RNF185: variants seen among roughly 807,000 people sequenced by gnomAD.
RNF185 encodes E3 ubiquitin-protein ligase RNF185.
In RNF185, 13 loss-of-function variants were observed where a neutral mutation model predicts 24.9. The observed-to-expected ratio is 0.52, with a 90% CI of 0.34 to 0.83. The LOEUF (loss-of-function observed/expected upper bound fraction) is 0.83, where lower values mean the gene tolerates loss of function less well. Ranked by LOEUF, RNF185 falls within the 40% of genes least tolerant of loss-of-function variation. The probability of loss-of-function intolerance (pLI) is 0.01; values close to 1 mark genes in which losing one functional copy is unlikely to be tolerated. For missense variants in RNF185, 184 were observed against 244.7 expected, an observed-to-expected ratio of 0.75 and a Z score of 1.65; for synonymous variants, 79 against 90.3, an observed-to-expected ratio of 0.88 and a Z score of 0.71.
intron 1 of RNF185, among the ~76,000 whole-genome samples, chr22:31,173,417 A>ACACACACACG (rs2047950116): frequency 2.6e-3 from 2 of 778 alleles, no homozygotes; most frequent in East Asian, 0.14. Flanking sequence ...ACACACACAG[A>ACACACACACG]CACACACACA....
chr22:31,187,280 C>T lies in RNF185; in HGVS notation c.176+10C>T. The T allele has an allele frequency of 6.2e-7, 1 of 1,613,334 alleles. No homozygotes were observed. The highest frequency in any genetic ancestry group is 1.1e-5 in the South Asian group (1 of 91,000). On this transcript the variant is annotated intron_variant, in intron 2 of 6. Coordinates refer to ENST00000326132, the MANE Select transcript of RNF185 (RefSeq NM_152267.4). ...GTGGCCACCTCTTCTGGTCAGTACC[C>T]CTACTTCCACCCCAGAGAGCACATT... is the stretch of plus-strand genomic sequence containing the variant.
intron 1 of RNF185, among the ~76,000 whole-genome samples, chr22:31,181,197 T>C (rs888150511): frequency 6.6e-6 from 1 of 151,946 alleles, no homozygotes; most frequent in Non-Finnish European, 1.5e-5. Context: ...ATTTAAAAAT[T>C]AGCTGAGCAT....
At chr22:31,177,101 A>G (rs2047990338) in intron 1 of RNF185, among the ~76,000 whole-genome samples, 1 of 151,988 alleles carries the variant, frequency 6.6e-6, no homozygotes, top group African/African-American at 2.4e-5. Context: ...ACCATGAATT[A>G]TGCACTTGTT....
chr22:31,190,296 T>C (rs1163267710), intron 2 of RNF185, among the ~76,000 whole-genome samples: 2 of 152,120 alleles, frequency 1.3e-5, no homozygotes, highest in Non-Finnish European at 2.9e-5. Flanking sequence ...TTTGTTTGTT[T>C]GTTGTTTTTT....
chr22:31,180,915 CTGTGTGTG>C (rs567264606), intron 1 of RNF185, among the ~76,000 whole-genome samples: 25 of 96,882 alleles, frequency 2.6e-4, no homozygotes, highest in Non-Finnish European at 4.1e-4. Context: ...CTCTCTCTCT[CTGTGTGTG>C]TGTGTGTGTG....
At position 31,195,490 on chromosome 22, in the gene RNF185, A is replaced by C. The variant is rs2147957733; in HGVS notation, c.217A>C (p.Arg73=). 6.2e-7 allele frequency: 1 copy of C among 1,608,642 alleles called. No individual in the cohort carries two copies. Among genetic ancestry groups the C allele is most frequent in the Non-Finnish European group, 8.5e-7 (1 of 1,177,644 alleles). The change falls in exon 4 of 7, where the codon AGA becomes CGA. Residue 73 remains arginine, a synonymous_variant. Transcript: ENST00000326132. The stretch of plus-strand genomic sequence containing the variant: ...GCAGTGGTTGGAGACCAGACCTAAC[A>C]GACAGGTGTGTCCTGTTTGCAAAGC... The part of the protein sequence containing the change: ...LHQWLETRPN[R]QVCPVCKAGI...
chr22:31,204,449 A>G (rs755677598), intron 6 of RNF185, 40 bp from the exon 7 acceptor site: 1 of 1,299,846 alleles, frequency 7.7e-7, no homozygotes, highest in Non-Finnish European at 1.1e-6. Flanking sequence ...GCATAGCTGC[A>G]GTGTTCTAAT....
chr22:31,201,529 G>A lies in RNF185; in HGVS notation c.395G>A (p.Gly132Asp), dbSNP rs2048263112. 6.2e-7 allele frequency: 1 copy of A among 1,611,806 alleles called. No individual in the cohort carries two copies. Among genetic ancestry groups the A allele is most frequent in the Non-Finnish European group, 8.5e-7 (1 of 1,179,680 alleles). Residue 132 changes from glycine to aspartate, a missense_variant, in exon 6 of 7, where the codon GGC (glycine) becomes GAC (aspartate). Physicochemically the swap from Gly to Asp is moderately conservative, Grantham distance 94 (BLOSUM62 -1). Coordinates refer to ENST00000326132, the MANE Select transcript of RNF185 (RefSeq NM_152267.4). ...GFQGFGFGDG[G>D]FQMSFGIGAF... ...CAAGGATTTGGATTTGGAGATGGTG[G>A]CTTCCAGATGTCTTTTGGAATTGGG...
intron 3 of RNF185, 38 bp downstream of exon 3, chr22:31,192,740 T>G: frequency 6.2e-7 from 1 of 1,606,090 alleles, no homozygotes; most frequent in Non-Finnish European, 8.5e-7. Context: ...TTTCATCAGC[T>G]CTGGTTGCAC....
At chr22:31,177,378 AAAG>A (rs2047993401) in intron 1 of RNF185, among the ~76,000 whole-genome samples, 1 of 152,064 alleles carries the variant, frequency 6.6e-6, no homozygotes, top group Non-Finnish European at 1.5e-5. Flanking sequence ...GCCCCAATGA[AAAG>A]AAGCCAGTCC....
chr22:31,199,314 C>T (rs1270498480), intron 5 of RNF185, among the ~76,000 whole-genome samples: 1 of 152,090 alleles, frequency 6.6e-6, no homozygotes, highest in Non-Finnish European at 1.5e-5. Flanking sequence ...TGTCCAGGGC[C>T]ACACGTACAG....
rs567052460 is a variant in RNF185 at position 31,174,844 on chromosome 22, C to T, written c.-48-12203C>T. The stretch of plus-strand genomic sequence containing the variant: ...CAGCACTTTGGGAGGCCGAGGTGGG[C>T]GGATCACCTGAGGTCAGGAGTTCGA... On this transcript the variant is annotated intron_variant, in intron 1 of 6. Transcript: ENST00000326132. Among the ~76,000 whole-genome samples, 475 of 151,406 alleles carry T rather than the reference C, an allele frequency of 3.1e-3. 3 individuals are homozygous for T. The highest frequency in any genetic ancestry group is 0.011 in the African/African-American group (440 of 41,284).
intron 1 of RNF185, among the ~76,000 whole-genome samples, chr22:31,178,058 C>T (rs186416195): frequency 3.3e-5 from 5 of 152,284 alleles, no homozygotes; most frequent in Admixed American, 6.5e-5. Flanking sequence ...CAACTTCAGC[C>T]GCCAGGCTCT....
At chr22:31,164,464 T>C (rs1342388645) in intron 1 of RNF185, among the ~76,000 whole-genome samples, 1 of 152,182 alleles carries the variant, frequency 6.6e-6, no homozygotes, top group Non-Finnish European at 1.5e-5. Context: ...TTATTCAGAT[T>C]TTGCTATTTG....
intron 1 of RNF185, among the ~76,000 whole-genome samples, chr22:31,175,076 TA>T (rs5844936): frequency 0.76 from 105,869 of 138,558 alleles, 40,424 homozygotes; most frequent in African/African-American, 0.9. Context: ...CGTCTCAAAT[TA>T]AAAAAAAAAA....
At chr22:31,165,387 C>T (rs1426985232) in intron 1 of RNF185, among the ~76,000 whole-genome samples, 2 of 152,052 alleles carry the variant, frequency 1.3e-5, no homozygotes, top group Admixed American at 1.3e-4. Flanking sequence ...TCTTATTGGC[C>T]ATCTGCATAT....
intron 2 of RNF185, among the ~76,000 whole-genome samples, chr22:31,188,407 G>A (rs540814526): frequency 2.6e-5 from 4 of 152,168 alleles, no homozygotes; most frequent in Admixed American, 2.6e-4. Context: ...TAGAAATTCA[G>A]GATACTTCAG....
chr22:31,200,667 A>G (rs560968053), intron 5 of RNF185, among the ~76,000 whole-genome samples: 69 of 152,364 alleles, frequency 4.5e-4, no homozygotes, highest in Admixed American at 6.5e-4. Flanking sequence ...ACTGAGGGTG[A>G]TATACCAAAC....
chr22:31,178,530 T>C (rs1286153099), intron 1 of RNF185, among the ~76,000 whole-genome samples: 1 of 152,200 alleles, frequency 6.6e-6, no homozygotes, highest in Non-Finnish European at 1.5e-5. Flanking sequence ...AACCAGATCT[T>C]TCGTGGGGTG....
Sources: allele counts gnomAD v4.1 joint callset (sites outside exome capture counted in the v4.1 genomes callset), GRCh38; gene constraint gnomAD v4.1.1; transcripts MANE v1.5; gene names NCBI Gene and HGNC (gene_info 2026-07-23, HGNC 2026-07-21).